NRXN3: variants seen among roughly 807,000 people sequenced by gnomAD.
NRXN3 encodes the protein neurexin III.
Under a neutral mutation model 137.6 loss-of-function variants are expected in NRXN3, and 32 were observed. That is an observed-to-expected ratio of 0.23 (90% CI 0.18 to 0.31). The LOEUF is 0.31. Among genes scored for constraint, NRXN3 ranks in the 10% least tolerant of loss-of-function variants. The probability of loss-of-function intolerance (pLI) is 1.00; values close to 1 mark genes in which losing one functional copy is unlikely to be tolerated. For synonymous variants in NRXN3, 798 were observed against 784.5 expected (o/e 1.02, Z -0.29); for missense variants, 1,574 against 2,062.5 (o/e 0.76, Z 4.59).
At chr14:78,788,240 C>T (rs1424825087) in intron 8 of NRXN3, among the ~76,000 whole-genome samples, 6 of 145,612 alleles carry the variant, frequency 4.1e-5, no homozygotes, top group Non-Finnish European at 9.0e-5. Flanking sequence ...AATTCAAACA[C>T]ATATGTACAT....
intron 16 of NRXN3, among the ~76,000 whole-genome samples, chr14:79,511,152 C>T (rs963923123): frequency 6.6e-6 from 1 of 152,208 alleles, no homozygotes; most frequent in Non-Finnish European, 1.5e-5. Flanking sequence ...AGCCATTGAT[C>T]ACTTTACCTC....
intron 4 of NRXN3, among the ~76,000 whole-genome samples, chr14:78,644,256 G>A (rs2152572052): frequency 6.6e-6 from 1 of 152,198 alleles, no homozygotes; most frequent in South Asian, 2.1e-4. Context: ...GGCAATTACA[G>A]GGTCCCAGTC....
chr14:79,030,725 G>C (rs1219730600), intron 15 of NRXN3, among the ~76,000 whole-genome samples: 1 of 121,248 alleles, frequency 8.2e-6, no homozygotes, highest in Non-Finnish European at 1.7e-5. Flanking sequence ...TTGTGTCTCT[G>C]TCTTCCTGAT....
chr14:79,805,228 T>G (rs779307680), intron 20 of NRXN3, 38 bp downstream of exon 20: 18 of 1,534,378 alleles, frequency 1.2e-5, no homozygotes, highest in Middle Eastern at 3.4e-4. Flanking sequence ...GCTTTCTTTT[T>G]TCTTTTGCAA....
intron 10 of NRXN3, among the ~76,000 whole-genome samples, chr14:78,819,979 C>T (rs142330739): frequency 2.6e-5 from 4 of 152,234 alleles, no homozygotes; most frequent in Non-Finnish European, 5.9e-5. Flanking sequence ...GCTCCTGAGC[C>T]ACTTTTGATT....
chr14:79,429,595 G>A (rs2095712570), intron 15 of NRXN3, among the ~76,000 whole-genome samples: 1 of 152,188 alleles, frequency 6.6e-6, no homozygotes, highest in African/African-American at 2.4e-5. Flanking sequence ...AATAGATATT[G>A]CTCCAGAAAC....
At chr14:78,573,733 A>G (rs749216154) in intron 4 of NRXN3, among the ~76,000 whole-genome samples, 1 of 152,242 alleles carries the variant, frequency 6.6e-6, no homozygotes, top group Non-Finnish European at 1.5e-5. Context: ...TAAGCAGAGC[A>G]TAAAAGTTTG....
At chr14:79,722,513 C>T (rs958078617) in intron 19 of NRXN3, among the ~76,000 whole-genome samples, 2 of 152,114 alleles carry the variant, frequency 1.3e-5, no homozygotes, top group African/African-American at 2.4e-5. Context: ...AATGTATAAA[C>T]ATGCTGGTTC....
chr14:78,951,673 T>C (rs1214741510), intron 10 of NRXN3, among the ~76,000 whole-genome samples: 1 of 152,178 alleles, frequency 6.6e-6, no homozygotes, highest in Non-Finnish European at 1.5e-5. Flanking sequence ...CTGTAAACCA[T>C]GTAAGGCAGG....
chr14:79,706,419 C>A (rs955230706), intron 19 of NRXN3, among the ~76,000 whole-genome samples: 1 of 116,008 alleles, frequency 8.6e-6, no homozygotes. Flanking sequence ...GGCTTTTTTA[C>A]TTTTTTTTTT....
chr14:78,713,221 A>G (rs775294828), intron 7 of NRXN3, among the ~76,000 whole-genome samples: 1 of 151,968 alleles, frequency 6.6e-6, no homozygotes, highest in Admixed American at 6.5e-5. Flanking sequence ...ATCTTCTACA[A>G]TCTCATTTGA....
chr14:79,460,568 T>A lies in NRXN3; in HGVS notation c.3263-6653T>A, dbSNP rs1298797599. ...TGCTAAACTAAACTGGTGTTTGTTC[T>A]GCTTATAAGTCTTTGAGTTGAAGCC... On this transcript the variant is annotated intron_variant, in intron 15 of 20. Transcript: ENST00000335750. Among the ~76,000 whole-genome samples, 13 of 152,200 alleles carry A rather than the reference T, an allele frequency of 8.5e-5. 1 individual carries two copies. The highest frequency in any genetic ancestry group is 8.5e-4 in the Admixed American group (13 of 15,276).
intron 4 of NRXN3, among the ~76,000 whole-genome samples, chr14:78,637,594 G>T (rs973046160): frequency 6.6e-6 from 1 of 152,186 alleles, no homozygotes; most frequent in Non-Finnish European, 1.5e-5. Context: ...GGGAAAGAAG[G>T]GTTAGAGAAG....
chr14:79,319,333 C>G (rs1394716222), intron 15 of NRXN3, among the ~76,000 whole-genome samples: 1 of 152,194 alleles, frequency 6.6e-6, no homozygotes. Flanking sequence ...TTTATAATTA[C>G]TTTCTCATAA....
rs1205194421 is a variant in NRXN3, at chr14:79,366,113, G to A, written c.3263-101108G>A. On this transcript the variant is annotated intron_variant, in intron 15 of 20. Transcript: ENST00000335750. ...AAAGGGTTCAGTCCGGGATACTTGG[G>A]ATAAAAATCGGAGCACTGATAAGTT... is the stretch of plus-strand genomic sequence containing the variant. 2.6e-5 allele frequency among the ~76,000 whole-genome samples: 4 copies of A among 152,106 alleles called. No individual in the cohort carries two copies. In the East Asian group the frequency reaches 7.8e-4, roughly 30 times the overall value.
chr14:79,500,384 AGACTGGGCT>A (rs1187373629), intron 16 of NRXN3, among the ~76,000 whole-genome samples: 1 of 152,184 alleles, frequency 6.6e-6, no homozygotes, highest in Non-Finnish European at 1.5e-5. Context: ...ATACTGAAAA[AGACTGGGCT>A]GGCTACTGTT....
Position 79,007,909 on chromosome 14 carries a change from A to G in NRXN3, c.3262+19768A>G, listed in dbSNP as rs371317687. Among the ~76,000 whole-genome samples, 8 of 151,920 alleles carry G rather than the reference A, an allele frequency of 5.3e-5. No individual in the cohort carries two copies. In the East Asian group the frequency reaches 1.5e-3, roughly 29 times the overall value. On this transcript the variant is annotated intron_variant, in intron 15 of 20. Transcript: ENST00000335750. ...ATTTACCACCCCTGAGAAGGTAGGT[A>G]CAAGGTTGACTACTACTTACCTCTT... is the stretch of plus-strand genomic sequence containing the variant.
intron 20 of NRXN3, among the ~76,000 whole-genome samples, chr14:79,852,223 G>A (rs1266523900): frequency 1.8e-5 from 2 of 113,108 alleles, no homozygotes; most frequent in Non-Finnish European, 3.8e-5. Context: ...ACAGGTTCTA[G>A]TTCAACTCCC....
intron 15 of NRXN3, among the ~76,000 whole-genome samples, chr14:79,373,354 G>C (rs1396761171): frequency 1.3e-5 from 2 of 152,074 alleles, no homozygotes; most frequent in Non-Finnish European, 2.9e-5. Context: ...AGCAATCCCA[G>C]AATATTTGAC....
Sources: allele counts gnomAD v4.1 joint callset (sites outside exome capture counted in the v4.1 genomes callset), GRCh38; gene constraint gnomAD v4.1.1; transcripts MANE v1.5; gene names NCBI Gene and HGNC (gene_info 2026-07-23, HGNC 2026-07-21).